PTPRD: variants seen among roughly 807,000 people sequenced by gnomAD.
The protein encoded by PTPRD is protein tyrosine phosphatase receptor type D, also known as receptor-type tyrosine-protein phosphatase delta.
In PTPRD, 34 loss-of-function variants were observed where a neutral mutation model predicts 214.5. The ratio of observed to expected loss-of-function variants is 0.16; its 90% CI spans 0.12 to 0.21. PTPRD has a LOEUF of 0.21. Ranked by LOEUF, PTPRD falls within the 10% of genes least tolerant of loss-of-function variation. The pLI is 1.00. For missense variants in PTPRD, 2,545 were observed against 2,398.7 expected (o/e 1.06, Z -1.27); for synonymous variants, 1,128 against 845.7 (o/e 1.33, Z -5.79).
chr9:8,472,118 T>A (rs1053022159), intron 30 of PTPRD, among the ~76,000 whole-genome samples: 6 of 152,150 alleles, frequency 3.9e-5, no homozygotes, highest in Admixed American at 2.6e-4. Context: ...GATTAAATAA[T>A]TGCCAAATTA....
chr9:8,415,468 C>T (rs1393134842), intron 35 of PTPRD, among the ~76,000 whole-genome samples: 1 of 151,940 alleles, frequency 6.6e-6, no homozygotes, highest in Non-Finnish European at 1.5e-5. Flanking sequence ...TGTATATCAC[C>T]TATAATATTT....
At chr9:10,112,172 G>C (rs527781132) in intron 3 of PTPRD, among the ~76,000 whole-genome samples, 6 of 152,246 alleles carry the variant, frequency 3.9e-5, no homozygotes, top group African/African-American at 1.4e-4. Context: ...TCGCTTTTTG[G>C]AATGGTCAGT....
intron 5 of PTPRD, among the ~76,000 whole-genome samples, chr9:9,858,942 T>A (rs1385416491): frequency 6.6e-6 from 1 of 152,178 alleles, no homozygotes; most frequent in Admixed American, 6.5e-5. Context: ...CTCATACTGA[T>A]ACGGTTTGGC....
chr9:10,487,259 T>G (rs1473303810), intron 2 of PTPRD, among the ~76,000 whole-genome samples: 1 of 152,126 alleles, frequency 6.6e-6, no homozygotes, highest in African/African-American at 2.4e-5. Flanking sequence ...GACCACTCTG[T>G]TTTTTGATTG....
In PTPRD at chr9:8,436,634, T is replaced by C. The variant is rs2095361442; in HGVS notation, c.4044A>G (p.Arg1348=). The change falls in exon 35 of 46, where the codon AGA becomes AGG. Residue 1348 remains arginine (R), a synonymous_variant. Coordinates refer to ENST00000381196, the MANE Select transcript of PTPRD (RefSeq NM_002839.4). ...ACTTCAAGTTGTCATTTGCTTTCAA[T>C]CTTTCAATGTGGTCTGCAAGTTCCA... is the stretch of plus-strand genomic sequence containing the variant. The part of the protein sequence containing the change: ...PILELADHIE[R]LKANDNLKFS... The C allele has an allele frequency of 2.5e-6, 4 of 1,613,524 alleles. No individual in the cohort carries two copies. The South Asian group carries it at 4.4e-5, about 18-fold the overall frequency.
intron 2 of PTPRD, among the ~76,000 whole-genome samples, chr9:10,413,633 A>C (rs185066745): frequency 1.3e-5 from 2 of 152,184 alleles, no homozygotes; most frequent in East Asian, 1.9e-4. Context: ...GAACCAAAAA[A>C]AGAGCCCAAA....
intron 2 of PTPRD, among the ~76,000 whole-genome samples, chr9:10,481,802 A>G (rs369030288): frequency 3.9e-5 from 6 of 152,340 alleles, no homozygotes; most frequent in African/African-American, 1.2e-4. Context: ...AGTCGAAGTA[A>G]GGCAATGGGA....
At chr9:8,539,410 G>A (rs1212134444) in intron 14 of PTPRD, among the ~76,000 whole-genome samples, 4 of 151,820 alleles carry the variant, frequency 2.6e-5, no homozygotes, top group Non-Finnish European at 5.9e-5. Flanking sequence ...CCATTTACAT[G>A]ATTTTGCTGT....
At chr9:9,172,105 C>T (rs192344953) in intron 10 of PTPRD, among the ~76,000 whole-genome samples, 1 of 152,092 alleles carries the variant, frequency 6.6e-6, no homozygotes, top group Non-Finnish European at 1.5e-5. Flanking sequence ...TATCTTAGTA[C>T]ACTAAGTATT....
At chr9:10,501,912 A>G (rs1258859612) in intron 2 of PTPRD, among the ~76,000 whole-genome samples, 3 of 151,926 alleles carry the variant, frequency 2.0e-5, no homozygotes, top group Non-Finnish European at 2.9e-5. Context: ...CTACGATCCT[A>G]TCCCCTGAGA....
intron 39 of PTPRD, among the ~76,000 whole-genome samples, chr9:8,363,676 A>C (rs1245148145): frequency 6.6e-6 from 1 of 152,238 alleles, no homozygotes; most frequent in Non-Finnish European, 1.5e-5. Context: ...GAAATTAATA[A>C]GCCTTTGCAG....
At chr9:9,350,117 C>A (rs1198797638) in intron 9 of PTPRD, among the ~76,000 whole-genome samples, 1 of 152,030 alleles carries the variant, frequency 6.6e-6, no homozygotes, top group Non-Finnish European at 1.5e-5. Flanking sequence ...ATGTAGAACA[C>A]CCAAGTCTTC....
chr9:8,370,338 A>G (rs10124014), intron 39 of PTPRD, among the ~76,000 whole-genome samples: 17,493 of 151,992 alleles, frequency 0.12, 1,633 homozygotes, highest in African/African-American at 0.25. Context: ...GGTCTCTGCA[A>G]TACGAAGAGT....
At chr9:9,592,062 G>T (rs2092787247) in intron 7 of PTPRD, among the ~76,000 whole-genome samples, 1 of 151,804 alleles carries the variant, frequency 6.6e-6, no homozygotes, top group African/African-American at 2.4e-5. Context: ...TTGAAGTTTA[G>T]TTTTTTTCTT....
At chr9:10,106,641 C>T (rs964245416) in intron 3 of PTPRD, among the ~76,000 whole-genome samples, 5 of 151,464 alleles carry the variant, frequency 3.3e-5, no homozygotes, top group African/African-American at 1.2e-4. Flanking sequence ...ATGATAGAAT[C>T]AACATCATCA....
chr9:9,313,757 G>C (rs1403277360), intron 9 of PTPRD, among the ~76,000 whole-genome samples: 1 of 152,164 alleles, frequency 6.6e-6, no homozygotes, highest in Non-Finnish European at 1.5e-5. Context: ...TCAGTCCACA[G>C]GCAAAGAATA....
At chr9:10,232,254 G>A (rs2099614085) in intron 3 of PTPRD, among the ~76,000 whole-genome samples, 1 of 151,758 alleles carries the variant, frequency 6.6e-6, no homozygotes, top group African/African-American at 2.4e-5. Flanking sequence ...CAGGTATTCT[G>A]TTACAGCCAC....
chr9:9,139,576 G>C (rs2099856658), intron 10 of PTPRD, among the ~76,000 whole-genome samples: 1 of 151,854 alleles, frequency 6.6e-6, no homozygotes, highest in South Asian at 2.1e-4. Flanking sequence ...AGTGACTCAG[G>C]AATGGGTAGC....
chr9:10,167,641 T>C (rs1005015568), intron 3 of PTPRD, among the ~76,000 whole-genome samples: 15 of 152,300 alleles, frequency 9.8e-5, no homozygotes, highest in Admixed American at 3.3e-4. Flanking sequence ...TTTATGAAGT[T>C]TTCTGTTTAA....
Sources: gnomAD v4.1 joint callset for allele counts (sites outside exome capture counted in the v4.1 genomes callset) on GRCh38, gnomAD v4.1.1 for gene constraint, MANE v1.5 for transcripts, NCBI Gene and HGNC (gene_info 2026-07-23, HGNC 2026-07-21) for gene names.